Variants in TEF observed in about 807,000 individuals in gnomAD.
TEF encodes the protein thyrotroph embryonic factor.
Under a neutral mutation model 20.8 loss-of-function variants are expected in TEF, and 3 were observed. The observed-to-expected ratio is 0.14, with a 90% CI of 0.07 to 0.37. The LOEUF (loss-of-function observed/expected upper bound fraction) is 0.37, where lower values mean the gene tolerates loss of function less well. TEF is among the 10% of genes least tolerant of loss of function. The pLI is 1.00. For missense variants in TEF, 296 were observed against 397.9 expected, an observed-to-expected ratio of 0.74 and a Z score of 2.18; for synonymous variants, 180 against 171.1, an observed-to-expected ratio of 1.05 and a Z score of -0.41.
At chr22:41,370,754 C>G (rs953002678) in intron 1 of TEF, among the ~76,000 whole-genome samples, 1 of 152,176 alleles carries the variant, frequency 6.6e-6, no homozygotes, top group African/African-American at 2.4e-5. Context: ...GAAACCCAGA[C>G]TTGGGGTCCC....
At chr22:41,372,839 G>A (rs1373316254) in intron 1 of TEF, among the ~76,000 whole-genome samples, 1 of 152,104 alleles carries the variant, frequency 6.6e-6, no homozygotes, top group East Asian at 1.9e-4. Context: ...GGCCTGGAGG[G>A]TGAGGAAGAG....
At chr22:41,370,174 G>A (rs1481572469) in intron 1 of TEF, 3 of 860,674 alleles carry the variant, frequency 3.5e-6, no homozygotes, top group Non-Finnish European at 4.2e-6. Flanking sequence ...GAGTGCAGTG[G>A]TGCTATCTCG....
chr22:41,383,816 C>T (rs1009197457), intron 1 of TEF, among the ~76,000 whole-genome samples: 1 of 152,218 alleles, frequency 6.6e-6, no homozygotes, highest in Admixed American at 6.5e-5. Flanking sequence ...TATCTCCTGC[C>T]TTCTCCTGCC....
chr22:41,382,198 C>G lies in TEF; in HGVS notation c.154C>G (p.Leu52Val). Residue 52 changes from leucine to valine, a missense_variant, in exon 1 of 4, where the codon CTC becomes GTC. Coordinates refer to ENST00000266304, the MANE Select transcript of TEF (RefSeq NM_003216.4). The part of the protein sequence containing the change: ...LMENPPREAR[L>V]DKEKGKEKLE... ...GGAGAACCCCCCGCGCGAGGCGCGC[C>G]TCGGTGAGGGCGGGGGGGTGGTCCG... 1.7e-6 allele frequency: 2 copies of G among 1,183,394 alleles called. No homozygotes were observed. Among genetic ancestry groups the G allele is most frequent in the Non-Finnish European group, 2.1e-6 (2 of 958,776 alleles). The allele number at this position is 1,183,394 out of a possible 1,614,324, so 73.3% of individuals were successfully genotyped here.
chr22:41,377,238 CTCTG>C (rs2036953826), upstream of TEF: 1 of 152,214 alleles, frequency 6.6e-6, no homozygotes, highest in South Asian at 2.1e-4. Flanking sequence ...TGCGAATCTT[CTCTG>C]TATCATTCCA....
At chr22:41,383,884 G>A (rs982744464) in intron 1 of TEF, among the ~76,000 whole-genome samples, 2 of 152,242 alleles carry the variant, frequency 1.3e-5, no homozygotes, top group South Asian at 4.1e-4. Flanking sequence ...TGAACAGAGT[G>A]AGGAGTCCAG....
At position 41,394,250 on chromosome 22, in the gene TEF, G is replaced by A; in HGVS notation, c.630G>A (p.Glu210=). 1 of 1,614,170 alleles carries A rather than the reference G, an allele frequency of 6.2e-7. No individual in the cohort carries two copies. Among genetic ancestry groups the A allele is most frequent in the Non-Finnish European group, 8.5e-7 (1 of 1,180,042 alleles). ...ACCCTCGGAAGCACAAGTTTGCTGA[G>A]GAGGACCTGAAGCCCCAGCCTATGA... The part of the protein sequence containing the change: ...LFNPRKHKFA[E]EDLKPQPMIK... The change falls in exon 3 of 4, where the codon GAG becomes GAA. Residue 210 remains glutamate, a synonymous_variant. Coordinates refer to ENST00000266304, the MANE Select transcript of TEF (RefSeq NM_003216.4).
intron 1 of TEF, among the ~76,000 whole-genome samples, chr22:41,387,005 C>G (rs1002516567): frequency 6.6e-6 from 1 of 152,084 alleles, no homozygotes; most frequent in Non-Finnish European, 1.5e-5. Flanking sequence ...AATTGGGTCA[C>G]TGCACTCCAG....
Position 41,387,414 on chromosome 22 carries a change from T to C in TEF, c.221T>C (p.Val74Ala). Residue 74 changes from valine to alanine, a missense_variant, in exon 2 of 4, where the codon GTC (valine) becomes GCC (alanine). Val to Ala is a moderately conservative substitution (Grantham distance 64, BLOSUM62 0). Transcript: ENST00000266304. ...GCCGCAGCCGCCAGCACCATGGCTG[T>C]CTCAGCCTCCCTCATGCCACCCATC... Reference protein sequence around the residue: ...DEAAAASTMAVSASLMPPIWD... With the variant: ...DEAAAASTMAASASLMPPIWD... 6.2e-7 allele frequency: 1 copy of C among 1,614,220 alleles called. No individual in the cohort carries two copies. Among genetic ancestry groups the C allele is most frequent in the South Asian group, 1.1e-5 (1 of 91,084 alleles).
In TEF at chr22:41,387,605, A is replaced by G. The variant is rs780579902; in HGVS notation, c.412A>G (p.Thr138Ala). ...LEGKESASSS[T>A]ASPPSSSTAI... Reference sequence around the variant, plus strand: ...AGGGAAGGAGTCTGCCAGCTCTTCCACAGCATCCCCACCATCCTCCTCCAC... The same window carrying G: ...AGGGAAGGAGTCTGCCAGCTCTTCCGCAGCATCCCCACCATCCTCCTCCAC... Residue 138 changes from threonine (T) to alanine (A), a missense_variant, in exon 2 of 4, where the codon ACA (threonine) becomes GCA (alanine). Around this residue, in one of 2 missense-constraint regions of TEF, gnomAD observed 194 missense variants for 317.8 expected, o/e 0.61. Coordinates refer to ENST00000266304, the MANE Select transcript of TEF (RefSeq NM_003216.4). 6.2e-7 allele frequency: 1 copy of G among 1,614,138 alleles called. No individual in the cohort carries two copies. The highest frequency in any genetic ancestry group is 8.5e-7 in the Non-Finnish European group (1 of 1,180,010).
chr22:41,390,933 A>G (rs889725111), intron 2 of TEF, among the ~76,000 whole-genome samples: 5 of 152,124 alleles, frequency 3.3e-5, no homozygotes, highest in African/African-American at 1.2e-4. Flanking sequence ...CTGAAACTTA[A>G]CCACATCTTG....
intron 1 of TEF, among the ~76,000 whole-genome samples, chr22:41,382,756 C>T (rs1304637265): frequency 6.6e-6 from 1 of 151,536 alleles, no homozygotes; most frequent in Non-Finnish European, 1.5e-5. Flanking sequence ...GGGAGCCTTT[C>T]TGTTGCGGGG....
intron 1 of TEF, among the ~76,000 whole-genome samples, chr22:41,376,615 T>C (rs1205921185): frequency 1.3e-5 from 2 of 152,300 alleles, no homozygotes; most frequent in Non-Finnish European, 2.9e-5. Context: ...CTTTGGAAAA[T>C]GGACATTTCA....
chr22:41,378,663 G>A (rs75192975), upstream of TEF, among the ~76,000 whole-genome samples: 1,804 of 151,682 alleles, frequency 0.012, 37 homozygotes, highest in African/African-American at 0.042. Flanking sequence ...ATAGAGACAG[G>A]GTTTCACCAC....
upstream of TEF, among the ~76,000 whole-genome samples, chr22:41,379,808 G>A (rs535310286): frequency 6.7e-6 from 1 of 148,854 alleles, no homozygotes; most frequent in Non-Finnish European, 1.5e-5. Flanking sequence ...CAGGAGAATC[G>A]CTTGAACCTG....
chr22:41,375,723 C>CAA (rs200212380), intron 1 of TEF, among the ~76,000 whole-genome samples: 34 of 74,722 alleles, frequency 4.6e-4, no homozygotes, highest in African/African-American at 1.0e-3. Flanking sequence ...GACTCTGTCT[C>CAA]AAAAAAAAAA....
intron 2 of TEF, among the ~76,000 whole-genome samples, chr22:41,390,495 C>CTTTTTTTTTTT (rs11358311): frequency 3.7e-5 from 3 of 80,362 alleles, no homozygotes; most frequent in African/African-American, 5.2e-5. Flanking sequence ...TCATTGTCAT[C>CTTTTTTTTTTT]TTTTTTTTTT....
At chr22:41,379,945 A>G (rs2036995498), upstream of TEF, among the ~76,000 whole-genome samples, 1 of 151,224 alleles carries the variant, frequency 6.6e-6, no homozygotes, top group Middle Eastern at 3.2e-3. Flanking sequence ...ATAAAAAGAA[A>G]AGGAGGCCTG....
chr22:41,387,575 C>G lies in TEF; in HGVS notation c.382C>G (p.Leu128Val). Residue 128 changes from leucine to valine, a missense_variant, in exon 2 of 4, where the codon CTA becomes GTA. Leu to Val is a conservative substitution (Grantham distance 32). Transcript: ENST00000266304. ...CAACCTGCTGCTGCCTGTAGCAGAG[C>G]TAGAAGGGAAGGAGTCTGCCAGCTC... is the stretch of plus-strand genomic sequence containing the variant. ...AHNLLLPVAE[L>V]EGKESASSST... is the part of the protein sequence containing the mutation. The G allele has an allele frequency of 3.7e-6, 6 of 1,614,218 alleles. No individual in the cohort carries two copies. The highest frequency in any genetic ancestry group is 5.1e-6 in the Non-Finnish European group (6 of 1,180,036).
Sources: allele counts gnomAD v4.1 joint callset (sites outside exome capture counted in the v4.1 genomes callset), GRCh38; gene constraint gnomAD v4.1.1; regional missense constraint gnomAD v4.1.1; transcripts MANE v1.5; gene names NCBI Gene and HGNC (gene_info 2026-07-23, HGNC 2026-07-21).